The following PRTG variants were observed in gnomAD, a reference collection of about 807,000 sequenced individuals.
PRTG encodes the protein immunoglobulin superfamily, DCC subclass, member 5.
PRTG carries 67 observed loss-of-function variants against 122.5 expected under a neutral mutation model. That is an observed-to-expected ratio of 0.55 (90% CI 0.45 to 0.67). PRTG has a LOEUF of 0.67. Among genes scored for constraint, PRTG ranks in the 30% least tolerant of loss-of-function variants. PRTG has a pLI of 0.00. For missense variants in PRTG, 1,435 were observed against 1,415.4 expected (o/e 1.01, Z -0.22); for synonymous variants, 554 against 501.1 (o/e 1.11, Z -1.41).
At chr15:55,678,601 T>C (rs988213049) in intron 7 of PRTG, among the ~76,000 whole-genome samples, 6 of 152,218 alleles carry the variant, frequency 3.9e-5, no homozygotes, top group African/African-American at 1.4e-4. Flanking sequence ...ACAAAAACTA[T>C]GTAATCTGTC....
chr15:55,687,640 C>T (rs1406659439), intron 2 of PRTG, among the ~76,000 whole-genome samples: 1 of 152,112 alleles, frequency 6.6e-6, no homozygotes, highest in African/African-American at 2.4e-5. Flanking sequence ...TCATAAAATT[C>T]TGAAAACTGA....
intron 2 of PRTG, among the ~76,000 whole-genome samples, chr15:55,688,766 A>G (rs2059584414): frequency 6.6e-6 from 1 of 152,158 alleles, no homozygotes; most frequent in Non-Finnish European, 1.5e-5. Context: ...CCTGGGAGGC[A>G]GAGGTTGCAG....
chr15:55,672,269 T>C (rs1188195389), intron 11 of PRTG, among the ~76,000 whole-genome samples, 176 bp downstream of exon 11: 1 of 152,200 alleles, frequency 6.6e-6, no homozygotes. Flanking sequence ...GGACTCACAA[T>C]GGTAAGTCAA....
intron 2 of PRTG, among the ~76,000 whole-genome samples, chr15:55,710,270 A>T (rs1394656051): frequency 6.6e-6 from 1 of 152,254 alleles, no homozygotes; most frequent in African/African-American, 2.4e-5. Flanking sequence ...AAATATTTTC[A>T]TCAGTTTCTT....
intron 1 of PRTG, among the ~76,000 whole-genome samples, chr15:55,741,885 C>G (rs1263921428): frequency 1.3e-5 from 2 of 152,160 alleles, no homozygotes; most frequent in Non-Finnish European, 2.9e-5. Context: ...ATCCTTTTTT[C>G]AAGCCTAACA....
chr15:55,676,065 A>G (rs1293270563), intron 8 of PRTG, among the ~76,000 whole-genome samples: 1 of 152,150 alleles, frequency 6.6e-6, no homozygotes, highest in Non-Finnish European at 1.5e-5. Context: ...TTTCTTTTAA[A>G]CATAAATGGA....
chr15:55,636,331 C>T (rs1056137256), intron 15 of PRTG, among the ~76,000 whole-genome samples: 4 of 151,534 alleles, frequency 2.6e-5, no homozygotes, highest in African/African-American at 9.7e-5. Flanking sequence ...CATTTTAGTC[C>T]CTTTAGCACT....
intron 11 of PRTG, among the ~76,000 whole-genome samples, chr15:55,646,180 T>G (rs887520391): frequency 7.3e-5 from 11 of 149,856 alleles, no homozygotes; most frequent in Admixed American, 6.0e-4. Context: ...CTAGTTTTTT[T>G]TTTTTTTTTT....
chr15:55,738,490 C>A, intron 2 of PRTG: 3 of 701,460 alleles, frequency 4.3e-6, no homozygotes, highest in Non-Finnish European at 7.8e-6. Flanking sequence ...CCACTATGTA[C>A]TCCCTATCCC....
intron 2 of PRTG, among the ~76,000 whole-genome samples, chr15:55,690,318 A>G (rs2059593661): frequency 6.6e-6 from 1 of 152,234 alleles, no homozygotes; most frequent in South Asian, 2.1e-4. Flanking sequence ...AGTGTCTAGT[A>G]TATGCTAGGC....
chr15:55,729,151 A>G (rs2031143290), intron 2 of PRTG, among the ~76,000 whole-genome samples: 1 of 152,246 alleles, frequency 6.6e-6, no homozygotes, highest in African/African-American at 2.4e-5. Context: ...GGGTAAACAA[A>G]ACATGGTCTA....
Position 55,740,569 on chromosome 15 carries a change from G to A in PRTG, c.210C>T (p.Val70=). The A allele has an allele frequency of 6.2e-7, 1 of 1,613,386 alleles. No individual in the cohort carries two copies. The highest frequency in any genetic ancestry group is 8.5e-7 in the Non-Finnish European group (1 of 1,179,758). Residue 70 remains valine (V), a synonymous_variant, in exon 2 of 20, where the codon GTC becomes GTT. Coordinates refer to ENST00000389286, the MANE Select transcript of PRTG (RefSeq NM_173814.6). ...CQAHGEVPIK[V]TWLKNGAKMS... is the part of the protein sequence containing the mutation. ...TTTTTGCTCCATTTTTCAACCATGT[G>A]ACCTTAATAGGAACTTCTCCGTGAG... is the stretch of plus-strand genomic sequence containing the variant.
intron 2 of PRTG, among the ~76,000 whole-genome samples, chr15:55,712,829 A>AAATTTAC (rs1398814446): frequency 6.6e-6 from 1 of 152,052 alleles, no homozygotes; most frequent in Non-Finnish European, 1.5e-5. Context: ...TCAAGCAAAC[A>AAATTTAC]AAAAAAATTA....
At chr15:55,621,664 A>AAAAC (rs1203264325) in intron 18 of PRTG, among the ~76,000 whole-genome samples, 1 of 152,196 alleles carries the variant, frequency 6.6e-6, no homozygotes, top group Non-Finnish European at 1.5e-5. Context: ...AAGACAAAAC[A>AAAAC]AAACAAACAA....
chr15:55,708,682 A>C (rs1424456908), intron 2 of PRTG, among the ~76,000 whole-genome samples: 1 of 152,178 alleles, frequency 6.6e-6, no homozygotes, highest in Non-Finnish European at 1.5e-5. Context: ...GCTAACTGTT[A>C]AGACAATTAG....
rs199565590 is a variant in PRTG at position 55,740,529 on chromosome 15, G to A, written c.250C>T (p.Arg84Trp). ...GAGCCGTTAGAAAGAACCTCGATCCGTTTATTTTCAGACATTTTTGCTCCA... is the reference window on the plus strand; with the variant it reads ...GAGCCGTTAGAAAGAACCTCGATCCATTTATTTTCAGACATTTTTGCTCCA... ...KNGAKMSENK[R>W]IEVLSNGSLY... Residue 84 changes from arginine (R) to tryptophan (W), a missense_variant, in exon 2 of 20, where the codon CGG becomes TGG. Physicochemically the swap from Arg to Trp is moderately radical, Grantham distance 101 (BLOSUM62 -3). Coordinates refer to ENST00000389286, the MANE Select transcript of PRTG (RefSeq NM_173814.6). 16 of 1,571,654 alleles carry A rather than the reference G, an allele frequency of 1.0e-5. No individual in the cohort carries two copies. The highest frequency in any genetic ancestry group is 1.7e-4 in the Middle Eastern group (1 of 5,862).
intron 11 of PRTG, among the ~76,000 whole-genome samples, chr15:55,644,136 G>A (rs2059307759): frequency 6.6e-6 from 1 of 152,144 alleles, no homozygotes; most frequent in Non-Finnish European, 1.5e-5. Context: ...AGCACGCCCA[G>A]CTGAAAAATA....
chr15:55,722,785 T>G (rs201769948), intron 2 of PRTG, among the ~76,000 whole-genome samples: 5 of 152,316 alleles, frequency 3.3e-5, no homozygotes, highest in South Asian at 2.1e-4. Flanking sequence ...TAACAAAATT[T>G]GACAAGGTCA....
At chr15:55,735,553 C>A (rs1370114838) in intron 2 of PRTG, among the ~76,000 whole-genome samples, 1 of 151,438 alleles carries the variant, frequency 6.6e-6, no homozygotes, top group Non-Finnish European at 1.5e-5. Flanking sequence ...GAGTGAGATC[C>A]TTTCTTTAGA....
Sources: gnomAD v4.1 joint callset for allele counts (sites outside exome capture counted in the v4.1 genomes callset) on GRCh38, gnomAD v4.1.1 for gene constraint, MANE v1.5 for transcripts, NCBI Gene and HGNC (gene_info 2026-07-23, HGNC 2026-07-21) for gene names.